PEPD: variants seen among roughly 807,000 people sequenced by gnomAD.
The protein encoded by PEPD is xaa-Pro dipeptidase.
Under a neutral mutation model 60.7 loss-of-function variants are expected in PEPD, and 53 were observed. That is an observed-to-expected ratio of 0.87 (90% CI 0.70 to 1.10). The LOEUF is 1.10. Ranked by LOEUF, PEPD falls within the 50% of genes least tolerant of loss-of-function variation. PEPD has a pLI of 0.00. For missense variants in PEPD, 711 were observed against 711.9 expected (o/e 1.00, Z 0.01); for synonymous variants, 267 against 284.1 (o/e 0.94, Z 0.60).
intron 9 of PEPD, among the ~76,000 whole-genome samples, chr19:33,449,085 G>A (rs573300943): frequency 3.9e-5 from 6 of 152,320 alleles, no homozygotes; most frequent in South Asian, 4.1e-4. Context: ...CAGGGGCCTC[G>A]GGGGAAGGCA....
chr19:33,468,552 C>T (rs1449487499), intron 7 of PEPD, among the ~76,000 whole-genome samples: 1 of 152,210 alleles, frequency 6.6e-6, no homozygotes, highest in Non-Finnish European at 1.5e-5. Context: ...GGTGGCTCCC[C>T]CACTCCCATC....
At chr19:33,492,078 T>A (rs1388160434) in intron 5 of PEPD, among the ~76,000 whole-genome samples, 1 of 145,592 alleles carries the variant, frequency 6.9e-6, no homozygotes, top group African/African-American at 2.5e-5. Flanking sequence ...GAGGGAAGGG[T>A]CACTTTGGGG....
intron 11 of PEPD, among the ~76,000 whole-genome samples, chr19:33,403,109 G>A (rs1467389033): frequency 6.6e-6 from 1 of 152,206 alleles, no homozygotes; most frequent in African/African-American, 2.4e-5. Context: ...CAGCCCAGGT[G>A]GACAAGGCTG....
intron 9 of PEPD, among the ~76,000 whole-genome samples, chr19:33,437,902 GAA>G (rs1568471072): frequency 1.3e-5 from 2 of 152,152 alleles, no homozygotes; most frequent in Non-Finnish European, 2.9e-5. Context: ...TCCAAACTCT[GAA>G]TAACACATGG....
chr19:33,506,509 T>C (rs1248906060), intron 3 of PEPD, among the ~76,000 whole-genome samples: 4 of 105,422 alleles, frequency 3.8e-5, no homozygotes, highest in Non-Finnish European at 3.8e-5. Flanking sequence ...CACACACCCA[T>C]ACACACCCTC....
intron 9 of PEPD, among the ~76,000 whole-genome samples, chr19:33,416,696 C>G (rs760018299): frequency 1.4e-4 from 22 of 152,346 alleles, no homozygotes; most frequent in Middle Eastern, 3.4e-3. Flanking sequence ...GTGTGGGCCC[C>G]GTTGTTTTTC....
At chr19:33,429,171 G>A (rs1187292662) in intron 9 of PEPD, among the ~76,000 whole-genome samples, 1 of 152,190 alleles carries the variant, frequency 6.6e-6, no homozygotes, top group Non-Finnish European at 1.5e-5. Context: ...GTTGGGCAGT[G>A]GAAGCAGCCC....
chr19:33,457,316 A>G (rs574040086), intron 9 of PEPD, among the ~76,000 whole-genome samples: 2 of 152,248 alleles, frequency 1.3e-5, no homozygotes, highest in African/African-American at 4.8e-5. Context: ...CTGTGGTGCC[A>G]GTTATTTGGG....
At chr19:33,450,856 A>G (rs530851264) in intron 9 of PEPD, among the ~76,000 whole-genome samples, 1 of 152,316 alleles carries the variant, frequency 6.6e-6, no homozygotes, top group East Asian at 1.9e-4. Flanking sequence ...GGTCCCAGGT[A>G]AAAGCAGCTT....
intron 9 of PEPD, among the ~76,000 whole-genome samples, chr19:33,449,145 T>C (rs1402740837): frequency 2.0e-5 from 3 of 152,222 alleles, no homozygotes; most frequent in Non-Finnish European, 4.4e-5. Context: ...GCTGGCCCAC[T>C]GTAGAGAAGA....
intron 13 of PEPD, 96 bp from the exon 14 acceptor site, chr19:33,388,177 C>A: frequency 9.5e-7 from 1 of 1,053,292 alleles, no homozygotes; most frequent in South Asian, 1.3e-5. Context: ...GTGCCAGTCT[C>A]GTGGGCTCTC....
intron 7 of PEPD, among the ~76,000 whole-genome samples, chr19:33,472,823 T>C (rs564404697): frequency 6.6e-6 from 1 of 152,296 alleles, no homozygotes; most frequent in South Asian, 2.1e-4. Flanking sequence ...ATGATTCTAT[T>C]GGAGCCAGGT....
chr19:33,487,579 C>T (rs776372189), intron 6 of PEPD, among the ~76,000 whole-genome samples: 9 of 152,328 alleles, frequency 5.9e-5, no homozygotes, highest in East Asian at 1.9e-4. Flanking sequence ...CGGAAACTGA[C>T]GCACCAGCAC....
intron 9 of PEPD, among the ~76,000 whole-genome samples, chr19:33,441,730 C>A (rs1013015681): frequency 6.6e-6 from 1 of 152,216 alleles, no homozygotes; most frequent in African/African-American, 2.4e-5. Flanking sequence ...GGGATCTGAG[C>A]CCCTTCCCAG....
At chr19:33,396,951 G>A (rs1028181843) in intron 12 of PEPD, among the ~76,000 whole-genome samples, 3 of 152,154 alleles carry the variant, frequency 2.0e-5, no homozygotes, top group Admixed American at 1.3e-4. Flanking sequence ...TCGCCCATCC[G>A]TCCCAGCAGC....
chr19:33,436,973 G>A (rs1283605665), intron 9 of PEPD, among the ~76,000 whole-genome samples: 1 of 152,198 alleles, frequency 6.6e-6, no homozygotes, highest in East Asian at 1.9e-4. Flanking sequence ...AGGGTTTGAT[G>A]GAAGACTTCC....
chr19:33,442,841 G>A (rs1469642170), intron 9 of PEPD, among the ~76,000 whole-genome samples: 3 of 152,086 alleles, frequency 2.0e-5, no homozygotes, highest in Non-Finnish European at 4.4e-5. Context: ...CACGTGCAGG[G>A]CCCACACCAG....
At chr19:33,456,581 T>C (rs1292570203) in intron 9 of PEPD, among the ~76,000 whole-genome samples, 1 of 152,146 alleles carries the variant, frequency 6.6e-6, no homozygotes, top group Non-Finnish European at 1.5e-5. Context: ...AGGGGCCCTC[T>C]TCTCTGAATG....
In PEPD at chr19:33,387,459, A is replaced by G. The variant is rs749007919; in HGVS notation, c.1367T>C (p.Val456Ala). Residue 456 changes from valine (V) to alanine (A), a missense_variant, in exon 15 of 15, where the codon GTG becomes GCG. Transcript: ENST00000244137. The stretch of plus-strand genomic sequence containing the variant: ...CAGCTCTATGCCGCTGTCAGTCACC[A>G]CGACGTCCTCCTCGATGCGGACCTG... ...FGGVRIEEDV[V>A]VTDSGIELLT... 1 of 1,613,834 alleles carries G rather than the reference A, an allele frequency of 6.2e-7. No homozygotes were observed. Among genetic ancestry groups the G allele is most frequent in the Non-Finnish European group, 8.5e-7 (1 of 1,180,028 alleles).
Sources: allele counts gnomAD v4.1 joint callset (sites outside exome capture counted in the v4.1 genomes callset), GRCh38; gene constraint gnomAD v4.1.1; transcripts MANE v1.5; gene names NCBI Gene and HGNC (gene_info 2026-07-23, HGNC 2026-07-21).